Variants in LINGO2 observed in about 807,000 individuals in gnomAD.
LINGO2 encodes the protein leucine rich repeat and Ig domain containing 2, also known as leucine-rich repeat and immunoglobulin-like domain-containing nogo receptor-interacting protein 2.
Under a neutral mutation model 30.6 loss-of-function variants are expected in LINGO2, and 14 were observed. That is an observed-to-expected ratio of 0.46 (90% CI 0.30 to 0.72). LINGO2 has a LOEUF of 0.72. LINGO2 is among the 30% of genes least tolerant of loss of function. The pLI is 0.07. For missense variants in LINGO2, 729 were observed against 751.7 expected (o/e 0.97, Z 0.35); for synonymous variants, 317 against 288.5 (o/e 1.10, Z -1.00).
the LINGO2 span, among the ~76,000 whole-genome samples, chr9:28,910,868 G>A: frequency 6.6e-6 from 1 of 151,894 alleles, no homozygotes; most frequent in African/African-American, 2.4e-5. Context: ...AGTAAATGTA[G>A]AAAGAAAATG....
the LINGO2 span, among the ~76,000 whole-genome samples, chr9:28,986,586 T>C: frequency 1.3e-5 from 2 of 152,032 alleles, no homozygotes; most frequent in East Asian, 1.9e-4. Context: ...ACAAGTCCTT[T>C]ATCTCCCTGG....
chr9:29,189,101 C>A, the LINGO2 span, among the ~76,000 whole-genome samples: 1 of 78,790 alleles, frequency 1.3e-5, no homozygotes, highest in Non-Finnish European at 3.2e-5. Flanking sequence ...GCTGGCCGAC[C>A]GCCCCGCCTC....
In LINGO2 at chr9:28,147,733, A is replaced by T. The variant is rs748924325; in HGVS notation, c.-86-135328T>A. 2.0e-5 allele frequency among the ~76,000 whole-genome samples: 3 copies of T among 152,130 alleles called. No individual in the cohort carries two copies. The highest frequency in any genetic ancestry group is 2.0e-4 in the Admixed American group (3 of 15,286). ...CCAGGGCCACACAACTGCCCCCAGG[A>T]GCAGGACGTCCCTGAGGCTAGAGTC... On this transcript the variant is annotated intron_variant, in intron 4 of 5. Coordinates refer to ENST00000379992, the Ensembl canonical transcript of LINGO2. The surrounding 1 kb of genome is among the most constrained non-coding windows in gnomAD (Gnocchi z 4.7).
intron 4 of LINGO2, among the ~76,000 whole-genome samples, chr9:28,042,123 C>T (rs1824223958): frequency 6.6e-6 from 1 of 152,140 alleles, no homozygotes; most frequent in East Asian, 1.9e-4. Flanking sequence ...AAGCACGAAG[C>T]TTAGTACAAT....
intron 1 of LINGO2, among the ~76,000 whole-genome samples, chr9:28,479,681 C>T (rs1266399875): frequency 6.6e-6 from 1 of 151,124 alleles, no homozygotes; most frequent in Non-Finnish European, 1.5e-5. Flanking sequence ...CAAGAATATG[C>T]TTATTTCTTA....
At chr9:28,626,702 C>T (rs1369384043) in intron 1 of LINGO2, among the ~76,000 whole-genome samples, 2 of 151,948 alleles carry the variant, frequency 1.3e-5, no homozygotes, top group Non-Finnish European at 2.9e-5. Flanking sequence ...TTTTCTCTCT[C>T]TGTTCTCCAA....
At chr9:28,884,115 A>AG in the LINGO2 span, among the ~76,000 whole-genome samples, 129,506 of 152,080 alleles carry the variant, frequency 0.85, 55,319 homozygotes, top group Non-Finnish European at 0.89. Context: ...GTCTAAACAA[A>AG]CTAATACTCA....
At position 28,288,783 on chromosome 9, in the gene LINGO2, G is replaced by C. The variant is rs191338148; in HGVS notation, c.-87+6425C>G. On this transcript the variant is annotated intron_variant, in intron 4 of 5. Coordinates refer to ENST00000379992, the Ensembl canonical transcript of LINGO2. ...TTTATTTCAGAAGATCTAAGAATGTGAAGAGTTACATAGGTGAGAATGCCC... is the reference window on the plus strand; with the variant it reads ...TTTATTTCAGAAGATCTAAGAATGTCAAGAGTTACATAGGTGAGAATGCCC... 1.2e-3 allele frequency among the ~76,000 whole-genome samples: 180 copies of C among 152,258 alleles called. No individual in the cohort carries two copies. The Middle Eastern group carries it at 0.017, about 14-fold the overall frequency.
At chr9:29,184,186 G>T in the LINGO2 span, among the ~76,000 whole-genome samples, 1 of 152,048 alleles carries the variant, frequency 6.6e-6, no homozygotes, top group African/African-American at 2.4e-5. Flanking sequence ...AACAGGGCAA[G>T]CTCAGTGAAC....
At chr9:27,974,975 G>T (rs967446871) in intron 5 of LINGO2, among the ~76,000 whole-genome samples, 5 of 152,064 alleles carry the variant, frequency 3.3e-5, no homozygotes, top group Admixed American at 6.6e-5. Flanking sequence ...TATCAAACCT[G>T]CCCCAGACAT....
At chr9:27,985,760 C>T (rs983221918) in intron 5 of LINGO2, among the ~76,000 whole-genome samples, 1 of 151,698 alleles carries the variant, frequency 6.6e-6, no homozygotes, top group African/African-American at 2.4e-5. Flanking sequence ...CCCCCCAACA[C>T]TTCCCAGGCC....
chr9:28,543,360 C>T (rs1821789296), intron 1 of LINGO2, among the ~76,000 whole-genome samples: 1 of 152,048 alleles, frequency 6.6e-6, no homozygotes, highest in Non-Finnish European at 1.5e-5. Flanking sequence ...ACTTGTTACC[C>T]CTTTTTCAAT....
rs371814698 is a variant in LINGO2 at position 28,149,766 on chromosome 9, G to T, written c.-86-137361C>A. Among the ~76,000 whole-genome samples, 258 of 140,888 alleles carry T rather than the reference G, an allele frequency of 1.8e-3. 3 individuals are homozygous for T. The South Asian group carries it at 0.039, about 22-fold the overall frequency. 92.4% of individuals were successfully genotyped at this position (140,888 alleles called of 152,430 possible). A position where few individuals can be genotyped will look rare whatever the true frequency, so the allele number is the denominator to read the frequency against. ...CAGCTGCCCACCGTCTGGGAATTGA[G>T]GAGGAGCACTGCCTCTGCCCGGCCT... On this transcript the variant is annotated intron_variant, in intron 4 of 5. Transcript: ENST00000379992.
At chr9:28,309,429 T>G (rs1824514288) in intron 3 of LINGO2, among the ~76,000 whole-genome samples, 3 of 144,138 alleles carry the variant, frequency 2.1e-5, no homozygotes, top group South Asian at 4.6e-4. Context: ...CTGGGGACTG[T>G]TGTGGGGTGG....
intron 1 of LINGO2, among the ~76,000 whole-genome samples, chr9:28,485,968 G>A (rs1387428548): frequency 6.6e-6 from 1 of 152,044 alleles, no homozygotes; most frequent in African/African-American, 2.4e-5. Flanking sequence ...TCTTATTCTT[G>A]GTGTCTCTAC....
Position 28,186,676 on chromosome 9 carries a change from A to G in LINGO2, c.-87+108532T>C, listed in dbSNP as rs188863415. Among the ~76,000 whole-genome samples the G allele has an allele frequency of 2.1e-3, 325 of 152,226 alleles. 1 individual carries two copies. The highest frequency in any genetic ancestry group is 6.2e-3 in the African/African-American group (259 of 41,552). ...AGAATCAAAAAATGTGAAGACTTCA[A>G]TGAGTAGAGAATCAATAAAAGTGAA... On this transcript the variant is annotated intron_variant, in intron 4 of 5. Transcript: ENST00000379992.
At chr9:29,043,155 A>C in the LINGO2 span, among the ~76,000 whole-genome samples, 6,230 of 152,032 alleles carry the variant, frequency 0.041, 196 homozygotes, top group Admixed American at 0.082. Context: ...ACAATGGAGG[A>C]TCAATGGAAA....
intron 4 of LINGO2, among the ~76,000 whole-genome samples, chr9:28,273,618 T>C (rs1320228332): frequency 6.6e-6 from 1 of 152,168 alleles, no homozygotes; most frequent in Non-Finnish European, 1.5e-5. Flanking sequence ...CTTTTATCCA[T>C]TTTGTGTTTG....
At chr9:29,188,014 C>CTTT in the LINGO2 span, among the ~76,000 whole-genome samples, 468 of 75,768 alleles carry the variant, frequency 6.2e-3, no homozygotes, top group Non-Finnish European at 7.7e-3. Flanking sequence ...TTGACAGAGT[C>CTTT]TTTTTTTTTT....
Sources: gnomAD v4.1 joint callset for allele counts (sites outside exome capture counted in the v4.1 genomes callset) on GRCh38, gnomAD v4.1.1 for gene constraint, Gnocchi (gnomAD v3.1) non-coding constraint, MANE v1.5 for transcripts, NCBI Gene and HGNC (gene_info 2026-07-23, HGNC 2026-07-21) for gene names.